PDE4B: variants seen among roughly 807,000 people sequenced by gnomAD.
PDE4B encodes the protein 3',5'-cyclic-AMP phosphodiesterase 4B.
Under a neutral mutation model 82.2 loss-of-function variants are expected in PDE4B, and 20 were observed. The ratio of observed to expected loss-of-function variants is 0.24; its 90% confidence interval spans 0.17 to 0.35. The LOEUF (loss-of-function observed/expected upper bound fraction) is 0.35, where lower values mean the gene tolerates loss of function less well. Among genes scored for constraint, PDE4B ranks in the 10% least tolerant of loss-of-function variants. PDE4B has a pLI of 1.00. For missense variants in PDE4B, 655 were observed against 907.2 expected, an observed-to-expected ratio of 0.72 and a Z score of 3.57; for synonymous variants, 320 against 318.9, an observed-to-expected ratio of 1.00 and a Z score of -0.04.
intron 15 of PDE4B, 101 bp downstream of exon 15, chr1:66,368,166 C>A: frequency 8.2e-7 from 1 of 1,220,556 alleles, no homozygotes. Context: ...ATTGGTATAT[C>A]CTAGGCTACT....
At chr1:66,024,685 T>C (rs1653338958) in intron 3 of PDE4B, among the ~76,000 whole-genome samples, 1 of 152,082 alleles carries the variant, frequency 6.6e-6, no homozygotes, top group African/African-American at 2.4e-5. Context: ...GGCAGATTCT[T>C]AATACATTTT....
intron 1 of PDE4B, among the ~76,000 whole-genome samples, chr1:65,852,383 A>G (rs998157701): frequency 6.6e-6 from 1 of 151,912 alleles, no homozygotes; most frequent in Non-Finnish European, 1.5e-5. Context: ...AAAGAATTCA[A>G]TATTTAATTG....
chr1:66,261,968 G>A (rs747879897), intron 6 of PDE4B, among the ~76,000 whole-genome samples: 1 of 152,176 alleles, frequency 6.6e-6, no homozygotes, highest in South Asian at 2.1e-4. Flanking sequence ...GATGGAGCTG[G>A]GAGCAAATAG....
intron 1 of PDE4B, among the ~76,000 whole-genome samples, chr1:65,885,152 C>T (rs1485547601): frequency 6.6e-6 from 1 of 152,082 alleles, no homozygotes; most frequent in Non-Finnish European, 1.5e-5. Flanking sequence ...AAATCAAAAC[C>T]ACAATGAAAT....
intron 7 of PDE4B, among the ~76,000 whole-genome samples, chr1:66,326,323 C>T (rs1659749013): frequency 6.6e-6 from 1 of 152,116 alleles, no homozygotes; most frequent in Non-Finnish European, 1.5e-5. Context: ...TAACCAGTTC[C>T]CAGACCAAGA....
intron 7 of PDE4B, among the ~76,000 whole-genome samples, chr1:66,300,974 C>T (rs916516091): frequency 6.6e-6 from 1 of 152,156 alleles, no homozygotes; most frequent in African/African-American, 2.4e-5. Flanking sequence ...CTATTAATAT[C>T]ACAAACAGGC....
chr1:66,165,875 G>A (rs1646719258), intron 3 of PDE4B, among the ~76,000 whole-genome samples: 1 of 150,392 alleles, frequency 6.6e-6, no homozygotes, highest in South Asian at 2.1e-4. Context: ...TCTTTTTTTT[G>A]GAGAAATTGA....
intron 3 of PDE4B, among the ~76,000 whole-genome samples, chr1:66,028,183 TCA>T (rs1653559054): frequency 6.6e-6 from 1 of 152,194 alleles, no homozygotes; most frequent in African/African-American, 2.4e-5. Flanking sequence ...TTCACAAACC[TCA>T]GTTCTTGAAT....
intron 3 of PDE4B, among the ~76,000 whole-genome samples, chr1:66,004,340 T>C (rs1306253322): frequency 6.6e-6 from 1 of 152,170 alleles, no homozygotes; most frequent in African/African-American, 2.4e-5. Context: ...GCAAATGTGG[T>C]GCATCTTAAA....
chr1:66,359,618 T>A (rs1662588058), intron 9 of PDE4B, among the ~76,000 whole-genome samples: 1 of 152,218 alleles, frequency 6.6e-6, no homozygotes, highest in Non-Finnish European at 1.5e-5. Context: ...AGGGAATCTT[T>A]AATTAAACAA....
intron 3 of PDE4B, among the ~76,000 whole-genome samples, chr1:65,985,947 T>TA (rs1212723735): frequency 5.3e-5 from 8 of 152,076 alleles, no homozygotes; most frequent in African/African-American, 1.9e-4. Flanking sequence ...TGAATAATAA[T>TA]AATTATTATT....
chr1:66,305,523 T>C (rs1386042950), intron 7 of PDE4B, among the ~76,000 whole-genome samples: 1 of 152,136 alleles, frequency 6.6e-6, no homozygotes. Context: ...GTCTGGTTTG[T>C]TTGTTTGTTT....
At chr1:66,290,388 C>T (rs1174755623) in intron 7 of PDE4B, among the ~76,000 whole-genome samples, 1 of 152,130 alleles carries the variant, frequency 6.6e-6, no homozygotes, top group African/African-American at 2.4e-5. Flanking sequence ...ACTCAATCCT[C>T]TTAGTAACCT....
chr1:65,976,052 A>T (rs1308707816), intron 3 of PDE4B, among the ~76,000 whole-genome samples: 3 of 152,112 alleles, frequency 2.0e-5, no homozygotes, highest in Non-Finnish European at 4.4e-5. Context: ...AGAATGGTAG[A>T]TCCATCGACA....
chr1:65,829,619 G>A (rs1646058367), intron 1 of PDE4B, among the ~76,000 whole-genome samples: 1 of 152,050 alleles, frequency 6.6e-6, no homozygotes, highest in Non-Finnish European at 1.5e-5. Context: ...TAAGAATAAA[G>A]CTAAACTAGA....
chr1:66,125,313 G>GTAGATGGGATT (rs1206120961), intron 3 of PDE4B, among the ~76,000 whole-genome samples: 1 of 151,740 alleles, frequency 6.6e-6, no homozygotes, highest in Admixed American at 6.6e-5. Context: ...ACAAGTGCCA[G>GTAGATGGGATT]CCACCATGCC....
At chr1:66,006,437 A>G (rs531236023) in intron 3 of PDE4B, among the ~76,000 whole-genome samples, 1 of 152,268 alleles carries the variant, frequency 6.6e-6, no homozygotes, top group African/African-American at 2.4e-5. Flanking sequence ...TTTTTCACAG[A>G]TACAAGTGTT....
At chr1:65,970,987 A>C (rs1022403123) in intron 3 of PDE4B, among the ~76,000 whole-genome samples, 4 of 150,900 alleles carry the variant, frequency 2.7e-5, no homozygotes, top group South Asian at 2.1e-4. Context: ...AAGAGAGGAG[A>C]GGCTAAAGAG....
intron 3 of PDE4B, among the ~76,000 whole-genome samples, chr1:66,162,208 G>A (rs1284860980): frequency 6.7e-6 from 1 of 149,214 alleles, no homozygotes; most frequent in African/African-American, 2.5e-5. Flanking sequence ...CTCTAGGGAT[G>A]TTCTCCCTCC....
Sources: gnomAD v4.1 joint callset for allele counts (sites outside exome capture counted in the v4.1 genomes callset) on GRCh38, gnomAD v4.1.1 for gene constraint, MANE v1.5 for transcripts, NCBI Gene and HGNC (gene_info 2026-07-23, HGNC 2026-07-21) for gene names.